The following CENPQ variants were observed in gnomAD, a reference collection of about 807,000 sequenced individuals.
CENPQ encodes the protein centromere protein Q.
Under a neutral mutation model 36.6 loss-of-function variants are expected in CENPQ, and 27 were observed. That is an observed-to-expected ratio of 0.74 (90% CI 0.54 to 1.02). The LOEUF (loss-of-function observed/expected upper bound fraction) is 1.02, where lower values mean the gene tolerates loss of function less well. Ranked by LOEUF, CENPQ falls within the 50% of genes least tolerant of loss-of-function variation. The pLI is 0.00. For synonymous variants in CENPQ, 101 were observed against 101.7 expected (o/e 0.99, Z 0.04); for missense variants, 306 against 301.8 (o/e 1.01, Z -0.10).
At chr6:49,484,967 G>T (rs1768541121) in intron 6 of CENPQ, among the ~76,000 whole-genome samples, 1 of 152,176 alleles carries the variant, frequency 6.6e-6, no homozygotes, top group Admixed American at 6.5e-5. Context: ...ATAAATGATA[G>T]TGTGATTTTT....
rs74926871 is a variant in CENPQ at position 49,485,369 on chromosome 6, C to A, written c.478-2983C>A. On this transcript the variant is annotated intron_variant, in intron 6 of 8. Transcript: ENST00000335783. ...AGATTCTGGGAGGATGGCATTAGAACAGCTGAAGCATAATTTTTTAGACTC... is the reference window on the plus strand; with the variant it reads ...AGATTCTGGGAGGATGGCATTAGAAAAGCTGAAGCATAATTTTTTAGACTC... 2.9e-3 allele frequency among the ~76,000 whole-genome samples: 438 copies of A among 152,264 alleles called. 1 individual carries two copies. Among genetic ancestry groups the A allele is most frequent in the African/African-American group, 6.8e-3 (284 of 41,562 alleles).
chr6:49,482,681 C>T (rs1174421565), intron 6 of CENPQ, among the ~76,000 whole-genome samples: 4 of 152,062 alleles, frequency 2.6e-5, no homozygotes, highest in Non-Finnish European at 4.4e-5. Flanking sequence ...GGTCTCACCG[C>T]TCGGCGATTG....
chr6:49,487,304 T>C (rs1768609800), intron 6 of CENPQ, among the ~76,000 whole-genome samples: 1 of 151,594 alleles, frequency 6.6e-6, no homozygotes, highest in Non-Finnish European at 1.5e-5. Flanking sequence ...TTAGCCTTTA[T>C]GGACCACATG....
chr6:49,483,954 G>A (rs550334711), intron 6 of CENPQ, among the ~76,000 whole-genome samples: 42 of 152,362 alleles, frequency 2.8e-4, no homozygotes, highest in African/African-American at 8.7e-4. Flanking sequence ...AGGGCTGCAA[G>A]GGCTGCCAGC....
intron 8 of CENPQ, among the ~76,000 whole-genome samples, chr6:49,489,799 T>C (rs1768674725): frequency 6.6e-6 from 1 of 152,214 alleles, no homozygotes; most frequent in Non-Finnish European, 1.5e-5. Context: ...TGGGTAACTG[T>C]GAACATTTTC....
intron 1 of CENPQ, among the ~76,000 whole-genome samples, chr6:49,464,913 C>T (rs1262650468): frequency 6.6e-6 from 1 of 152,188 alleles, no homozygotes; most frequent in Non-Finnish European, 1.5e-5. Flanking sequence ...ATATTTTGAC[C>T]TCCTCCCGTG....
rs531461823 is a variant in CENPQ, at chr6:49,492,212, A to C, written c.744A>C (p.Ser248=). The change falls in exon 9 of 9, where the codon TCA becomes TCC. Residue 248 remains serine, a synonymous_variant. Transcript: ENST00000335783. ...AGGACTTGGATATTCTTCATAATTC[A>C]TCACAGATGAAGAGCATGTCAACCT... The part of the protein sequence containing the change: ...LLKDLDILHN[S]SQMKSMSTFI... 1.9e-6 allele frequency: 3 copies of C among 1,609,672 alleles called. No individual in the cohort carries two copies. The highest frequency in any genetic ancestry group is 1.3e-5 in the African/African-American group (1 of 74,874).
At chr6:49,487,454 T>TAAAAAAAAAAAAAAAAAAA (rs759527083) in intron 6 of CENPQ, among the ~76,000 whole-genome samples, 12 of 93,264 alleles carry the variant, frequency 1.3e-4, no homozygotes, top group South Asian at 3.9e-4. Context: ...TACCCTTTCT[T>TAAAAAAAAAAAAAAAAAAA]AAAAAAAAAA....
intron 6 of CENPQ, among the ~76,000 whole-genome samples, chr6:49,482,060 G>C (rs1369607515): frequency 6.6e-6 from 1 of 152,188 alleles, no homozygotes; most frequent in African/African-American, 2.4e-5. Context: ...GCAGCCGCTG[G>C]CTTGGGTGCT....
chr6:49,485,459 G>A (rs1768553490), intron 6 of CENPQ, among the ~76,000 whole-genome samples: 1 of 151,960 alleles, frequency 6.6e-6, no homozygotes, highest in African/African-American at 2.4e-5. Flanking sequence ...AAGAAAATAT[G>A]ACAATAAAGA....
intron 1 of CENPQ, among the ~76,000 whole-genome samples, chr6:49,468,694 A>G (rs1692810613): frequency 1.3e-5 from 2 of 152,174 alleles, no homozygotes; most frequent in South Asian, 2.1e-4. Context: ...ACTATATTCT[A>G]CTGCTCAAAC....
At chr6:49,472,910 A>C (rs751950820) in intron 5 of CENPQ, 52 bp downstream of exon 5, 9 of 1,189,374 alleles carry the variant, frequency 7.6e-6, no homozygotes, top group Non-Finnish European at 9.9e-6. Flanking sequence ...TAAAAACCTG[A>C]CTTCTTTCTA....
At chr6:49,485,939 CT>C (rs1768567089) in intron 6 of CENPQ, among the ~76,000 whole-genome samples, 1 of 152,090 alleles carries the variant, frequency 6.6e-6, no homozygotes, top group African/African-American at 2.4e-5. Context: ...TCATTCAATG[CT>C]GTTATACATT....
At chr6:49,482,195 G>T (rs558012966) in intron 6 of CENPQ, among the ~76,000 whole-genome samples, 141 of 152,252 alleles carry the variant, frequency 9.3e-4, no homozygotes, top group Middle Eastern at 3.4e-3. Context: ...GTTCCCGCTC[G>T]CACCTCTCCC....
chr6:49,479,534 G>A (rs913409885), intron 5 of CENPQ, among the ~76,000 whole-genome samples: 5 of 152,168 alleles, frequency 3.3e-5, no homozygotes, highest in Non-Finnish European at 5.9e-5. Flanking sequence ...CTTCTAGTGG[G>A]AATGTAAATT....
intron 2 of CENPQ, 43 bp downstream of exon 2, chr6:49,470,321 T>A: frequency 7.7e-7 from 1 of 1,305,136 alleles, no homozygotes; most frequent in Non-Finnish European, 1.1e-6. Flanking sequence ...TCTTCAACTG[T>A]GGCCAAGCAC....
At chr6:49,484,508 C>CCA (rs368015223) in intron 6 of CENPQ, among the ~76,000 whole-genome samples, 117 of 152,260 alleles carry the variant, frequency 7.7e-4, no homozygotes, top group African/African-American at 2.7e-3. Context: ...ACATATGGGA[C>CCA]CGTATCTCTT....
At chr6:49,463,757 T>A (rs1391378813) in intron 1 of CENPQ, among the ~76,000 whole-genome samples, 1 of 152,128 alleles carries the variant, frequency 6.6e-6, no homozygotes, top group African/African-American at 2.4e-5. Context: ...CCTTGGACAT[T>A]AGTGTCTGTG....
At position 49,484,317 on chromosome 6, in the gene CENPQ, A is replaced by C. The variant is rs190006507; in HGVS notation, c.477+3237A>C. ...ACAAGTTGCTTAAAGTTGAGATGCT[A>C]ACTTTGTCATTCTGACAGTAGCACA... On this transcript the variant is annotated intron_variant, in intron 6 of 8. Transcript: ENST00000335783. Among the ~76,000 whole-genome samples, 11 of 152,364 alleles carry C rather than the reference A, an allele frequency of 7.2e-5. No individual in the cohort carries two copies. The East Asian group carries it at 1.9e-3, about 27-fold the overall frequency.
Sources: allele counts gnomAD v4.1 joint callset (sites outside exome capture counted in the v4.1 genomes callset), GRCh38; gene constraint gnomAD v4.1.1; transcripts MANE v1.5; gene names NCBI Gene and HGNC (gene_info 2026-07-23, HGNC 2026-07-21).